The following NRXN1 variants were observed in gnomAD, a reference collection of about 807,000 sequenced individuals.
The protein encoded by NRXN1 is neurexin 1, also known as neurexin-1.
Under a neutral mutation model 150.9 loss-of-function variants are expected in NRXN1, and 39 were observed. The ratio of observed to expected loss-of-function variants is 0.26; its 90% CI spans 0.20 to 0.34. NRXN1 has a LOEUF of 0.34. Ranked by LOEUF, NRXN1 falls within the 10% of genes least tolerant of loss-of-function variation. NRXN1 has a pLI of 1.00. For synonymous variants in NRXN1, 924 were observed against 757.0 expected (o/e 1.22, Z -3.62); for missense variants, 1,815 against 1,949.9 (o/e 0.93, Z 1.30).
intron 17 of NRXN1, among the ~76,000 whole-genome samples, chr2:50,266,732 G>C (rs1169901016): frequency 6.6e-6 from 1 of 151,952 alleles, no homozygotes. Flanking sequence ...CCTCGATACT[G>C]CTTTGCCTAA....
intron 2 of NRXN1, among the ~76,000 whole-genome samples, chr2:50,934,926 T>A (rs957723428): frequency 7.2e-5 from 11 of 152,298 alleles, no homozygotes; most frequent in African/African-American, 2.6e-4. Flanking sequence ...CATAAGTCTT[T>A]TCCTTTAGAC....
chr2:50,735,470 A>G (rs905862256), intron 5 of NRXN1, among the ~76,000 whole-genome samples: 2 of 152,146 alleles, frequency 1.3e-5, no homozygotes, highest in Admixed American at 6.6e-5. Context: ...TCACTTGTAG[A>G]AGCCACTGGG....
In NRXN1 at chr2:50,509,836, T is replaced by C. The variant is rs562178965; in HGVS notation, c.2375-3219A>G. On this transcript the variant is annotated intron_variant, in intron 12 of 22. Transcript: ENST00000401669. Reference sequence around the variant, plus strand: ...AATGTGTGTGTCCCTCAGAATTCACTATGTTGAATTTCTAACCCACAAAGT... The same window carrying C: ...AATGTGTGTGTCCCTCAGAATTCACCATGTTGAATTTCTAACCCACAAAGT... Among the ~76,000 whole-genome samples, 10 of 152,216 alleles carry C rather than the reference T, an allele frequency of 6.6e-5. No individual in the cohort carries two copies. The South Asian group carries it at 1.7e-3, about 25-fold the overall frequency.
intron 5 of NRXN1, among the ~76,000 whole-genome samples, chr2:50,636,010 A>G (rs1375396694): frequency 6.6e-6 from 1 of 152,232 alleles, no homozygotes; most frequent in East Asian, 1.9e-4. Flanking sequence ...CACTACATTT[A>G]AAATCACTAC....
At position 50,447,625 on chromosome 2, in the gene NRXN1, T is replaced by G. The variant is rs1019537548; in HGVS notation, c.3364+17817A>C. On this transcript the variant is annotated intron_variant, in intron 17 of 22. Coordinates refer to ENST00000401669, the MANE Select transcript of NRXN1 (RefSeq NM_001330078.2). ...TTTTCTTTGTTTTTATTTTTAGAAA[T>G]AATCAGAAATCTCACTTGGTTTCTA... 2.1e-5 allele frequency among the ~76,000 whole-genome samples: 3 copies of G among 146,278 alleles called. No homozygotes were observed. The East Asian group carries it at 6.0e-4, about 29-fold the overall frequency.
intron 18 of NRXN1, among the ~76,000 whole-genome samples, chr2:50,131,381 G>C (rs1705470084): frequency 6.6e-6 from 1 of 151,982 alleles, no homozygotes; most frequent in East Asian, 1.9e-4. Context: ...GTTTTCTTTG[G>C]TCAGTTTATC....
At chr2:50,126,850 C>A (rs2152742856) in intron 18 of NRXN1, among the ~76,000 whole-genome samples, 1 of 152,100 alleles carries the variant, frequency 6.6e-6, no homozygotes, top group African/African-American at 2.4e-5. Flanking sequence ...ATTTTTGCCC[C>A]ATCTTTTTAA....
chr2:50,860,815 G>C (rs1180914453), intron 5 of NRXN1, among the ~76,000 whole-genome samples: 1 of 152,072 alleles, frequency 6.6e-6, no homozygotes, highest in Non-Finnish European at 1.5e-5. Context: ...TAGAATCTAA[G>C]ACTAAAGTGC....
At chr2:50,385,387 T>G (rs1398058919) in intron 17 of NRXN1, among the ~76,000 whole-genome samples, 1 of 152,212 alleles carries the variant, frequency 6.6e-6, no homozygotes, top group Non-Finnish European at 1.5e-5. Context: ...ATAGTTAACT[T>G]ACTCAAATGA....
At chr2:50,484,042 G>A (rs530992516) in intron 15 of NRXN1, among the ~76,000 whole-genome samples, 173 of 152,196 alleles carry the variant, frequency 1.1e-3, no homozygotes, top group Middle Eastern at 3.4e-3. Flanking sequence ...CCTATAATAC[G>A]TCTCTTTAAT....
chr2:50,335,532 TGCCGTTATTTTCAAAAG>T (rs2077125951), intron 17 of NRXN1, among the ~76,000 whole-genome samples: 1 of 152,142 alleles, frequency 6.6e-6, no homozygotes, highest in Admixed American at 6.6e-5. Context: ...CACCACCCCC[TGCCGTTATTTTCAAAAG>T]GCTTAATCTA....
In NRXN1 at chr2:49,942,848, G is replaced by T. The variant is rs572302636; in HGVS notation, c.4216+856C>A. ...TGGTCTCAAACTCCTGACCGCAAGTGATCTGCCTGACTCAGGTTCCCAAAG... is the reference window on the plus strand; with the variant it reads ...TGGTCTCAAACTCCTGACCGCAAGTTATCTGCCTGACTCAGGTTCCCAAAG... On this transcript the variant is annotated intron_variant, in intron 22 of 22. Coordinates refer to ENST00000401669, the MANE Select transcript of NRXN1 (RefSeq NM_001330078.2). 7.2e-5 allele frequency among the ~76,000 whole-genome samples: 11 copies of T among 152,182 alleles called. No individual in the cohort carries two copies. The East Asian group carries it at 2.1e-3, about 30-fold the overall frequency.
chr2:50,621,751 C>T (rs978024114), intron 6 of NRXN1, among the ~76,000 whole-genome samples: 1 of 152,124 alleles, frequency 6.6e-6, no homozygotes, highest in Non-Finnish European at 1.5e-5. Context: ...TACAAGGACT[C>T]CTCCTCAACT....
chr2:50,478,899 G>A (rs888621519), intron 15 of NRXN1, among the ~76,000 whole-genome samples: 1 of 152,058 alleles, frequency 6.6e-6, no homozygotes, highest in Non-Finnish European at 1.5e-5. Context: ...TCTGACATTT[G>A]TTGTTTCGTT....
At chr2:50,497,826 GTA>G in intron 13 of NRXN1, 112 bp from the exon 14 acceptor site, 4 of 908,684 alleles carry the variant, frequency 4.4e-6, no homozygotes, top group Non-Finnish European at 6.7e-6. Context: ...TCCCTCCTTG[GTA>G]CTCAGTTGCA....
intron 17 of NRXN1, among the ~76,000 whole-genome samples, chr2:50,237,439 C>A (rs1231809921): frequency 6.6e-6 from 1 of 151,942 alleles, no homozygotes; most frequent in Non-Finnish European, 1.5e-5. Flanking sequence ...AGGAATGTAA[C>A]TTTTATGGAA....
At position 51,027,849 on chromosome 2, in the gene NRXN1, G is replaced by A; in HGVS notation, c.425C>T (p.Ser142Phe). 1 of 1,613,222 alleles carries A rather than the reference G, an allele frequency of 6.2e-7. No individual in the cohort carries two copies. Among genetic ancestry groups the A allele is most frequent in the Non-Finnish European group, 8.5e-7 (1 of 1,179,710 alleles). ...QVEAKWVEVK[S>F]KRRDMTVFSG... Reference sequence around the variant, plus strand: ...GAACACCGTCATGTCCCTGCGCTTGGACTTGACCTCCACCCACTTGGCCTC... The same window carrying A: ...GAACACCGTCATGTCCCTGCGCTTGAACTTGACCTCCACCCACTTGGCCTC... Residue 142 changes from serine (S) to phenylalanine (F), a missense_variant, in exon 2 of 23, where the codon TCC becomes TTC. Ser to Phe is a radical substitution (Grantham distance 155). Transcript: ENST00000401669.
chr2:50,919,863 T>A (rs1437049616), intron 5 of NRXN1: 1 of 179,432 alleles, frequency 5.6e-6, no homozygotes, highest in Admixed American at 6.0e-5. Flanking sequence ...CTTCACTTTG[T>A]ACCAGTCTCA....
intron 8 of NRXN1, among the ~76,000 whole-genome samples, chr2:50,609,431 G>C (rs1677663022): frequency 6.6e-6 from 1 of 152,086 alleles, no homozygotes; most frequent in African/African-American, 2.4e-5. Flanking sequence ...GATAATTGTA[G>C]CTAATCCTCA....
Sources: gnomAD v4.1 joint callset for allele counts (sites outside exome capture counted in the v4.1 genomes callset) on GRCh38, gnomAD v4.1.1 for gene constraint, MANE v1.5 for transcripts, NCBI Gene and HGNC (gene_info 2026-07-23, HGNC 2026-07-21) for gene names.